CCDC178: variants seen among roughly 807,000 people sequenced by gnomAD.
CCDC178 encodes coiled-coil domain containing 178.
A neutral mutation model predicts 117.4 loss-of-function variants in CCDC178; 126 were observed. The observed-to-expected ratio is 1.07, with a 90% CI of 0.93 to 1.24. CCDC178 has a LOEUF of 1.24. Ranked by LOEUF, CCDC178 falls within the 50% of genes most tolerant of loss-of-function variation. The probability of loss-of-function intolerance (pLI) is 0.00; values close to 1 mark genes in which losing one functional copy is unlikely to be tolerated. For synonymous variants in CCDC178, 283 were observed against 313.4 expected (o/e 0.90, Z 1.02); for missense variants, 1,030 against 986.9 (o/e 1.04, Z -0.59).
intron 12 of CCDC178, among the ~76,000 whole-genome samples, chr18:33,282,094 C>A (rs1468945056): frequency 1.3e-5 from 2 of 152,090 alleles, no homozygotes; most frequent in African/African-American, 4.8e-5. Context: ...GGGAACCCTG[C>A]AAGGGCTATC....
intron 14 of CCDC178, among the ~76,000 whole-genome samples, chr18:33,263,261 A>T (rs369747211): frequency 6.6e-6 from 1 of 152,176 alleles, no homozygotes; most frequent in Non-Finnish European, 1.5e-5. Flanking sequence ...GGGAGTTTTA[A>T]AAGTATTATA....
chr18:33,281,982 G>C (rs1019292540), intron 12 of CCDC178, among the ~76,000 whole-genome samples: 9 of 152,208 alleles, frequency 5.9e-5, no homozygotes, highest in Non-Finnish European at 1.2e-4. Context: ...AAGTGGAACA[G>C]CTCCCATGGA....
rs531026209 is a variant in CCDC178, at chr18:33,014,691, T to C, written c.2389-40010A>G. ...CCACTGACAACATCTGGGAGACTTA[T>C]TGGCTCAGGTCATTTAAAAAATATT... On this transcript the variant is annotated intron_variant, in intron 21 of 22. Transcript: ENST00000383096. Among the ~76,000 whole-genome samples the C allele has an allele frequency of 2.6e-5, 4 of 152,210 alleles. No homozygotes were observed. In the East Asian group the frequency reaches 7.7e-4, roughly 29 times the overall value.
At position 33,222,177 on chromosome 18, in the gene CCDC178, C is replaced by T. The variant is rs552362028; in HGVS notation, c.1932+929G>A. 1.9e-4 allele frequency among the ~76,000 whole-genome samples: 29 copies of T among 152,016 alleles called. 1 individual carries two copies. The Middle Eastern group carries it at 0.01, about 53-fold the overall frequency. On this transcript the variant is annotated intron_variant, in intron 18 of 22. Coordinates refer to ENST00000383096, the MANE Select transcript of CCDC178 (RefSeq NM_001105528.4). ...GCCGTTTAACAAAAGTGTAATCATG[C>T]TATTTTTTATTGTTTAATTTTGACT...
intron 20 of CCDC178, among the ~76,000 whole-genome samples, chr18:33,204,542 T>C (rs2144566850): frequency 6.6e-6 from 1 of 152,304 alleles, no homozygotes; most frequent in African/African-American, 2.4e-5. Flanking sequence ...CGAAGGCACA[T>C]CTTGTAATTA....
chr18:33,208,388 T>G lies in CCDC178; in HGVS notation c.2238+3508A>C, dbSNP rs147528513. Among the ~76,000 whole-genome samples the G allele has an allele frequency of 6.4e-4, 98 of 152,176 alleles. No homozygotes were observed. The East Asian group carries it at 0.017, about 26-fold the overall frequency. On this transcript the variant is annotated intron_variant, in intron 20 of 22. Coordinates refer to ENST00000383096, the MANE Select transcript of CCDC178 (RefSeq NM_001105528.4). ...GTCATTTTTTTTACTCAAAGTAATC[T>G]CTAATTTTTTTAGAACAGTGGATAA...
chr18:32,981,844 T>C (rs544139241), intron 21 of CCDC178, among the ~76,000 whole-genome samples: 18 of 152,318 alleles, frequency 1.2e-4, no homozygotes, highest in African/African-American at 3.6e-4. Flanking sequence ...ATCCCACTCA[T>C]ACAATTAACA....
At chr18:33,329,878 T>A (rs1186669967) in intron 10 of CCDC178, among the ~76,000 whole-genome samples, 3 of 27,606 alleles carry the variant, frequency 1.1e-4, no homozygotes, top group South Asian at 1.5e-3. Flanking sequence ...ATTATTAGAG[T>A]GTGTGTGTGT....
At chr18:33,393,475 T>A (rs957096265) in intron 4 of CCDC178, among the ~76,000 whole-genome samples, 1 of 152,066 alleles carries the variant, frequency 6.6e-6, no homozygotes. Flanking sequence ...CTAGAAAAAA[T>A]TTTCATCACC....
intron 21 of CCDC178, among the ~76,000 whole-genome samples, chr18:32,993,969 C>A (rs2055449392): frequency 6.6e-6 from 1 of 152,026 alleles, no homozygotes. Flanking sequence ...ACAACACAGT[C>A]CTGTGTTGCA....
intron 21 of CCDC178, among the ~76,000 whole-genome samples, chr18:33,088,169 A>G (rs2057410655): frequency 2.0e-5 from 3 of 151,662 alleles, no homozygotes; most frequent in African/African-American, 4.8e-5. Context: ...AAGGTGGCAC[A>G]TTTCTATGTC....
At chr18:32,949,952 G>A (rs1049165044) in intron 22 of CCDC178, among the ~76,000 whole-genome samples, 7 of 152,056 alleles carry the variant, frequency 4.6e-5, no homozygotes, top group Non-Finnish European at 1.0e-4. Flanking sequence ...TTAGCATACG[G>A]CTAATTAATC....
At chr18:33,117,667 C>T (rs531515782) in intron 20 of CCDC178, among the ~76,000 whole-genome samples, 28 of 151,662 alleles carry the variant, frequency 1.8e-4, no homozygotes, top group Middle Eastern at 3.4e-3. Flanking sequence ...CACATGTATA[C>T]ATATGTAACA....
At chr18:33,352,867 T>G (rs1417277558) in intron 7 of CCDC178, among the ~76,000 whole-genome samples, 1 of 152,092 alleles carries the variant, frequency 6.6e-6, no homozygotes, top group Admixed American at 6.5e-5. Flanking sequence ...CATGTGCACA[T>G]GAGAAGAATG....
In CCDC178 at chr18:33,178,367, T is replaced by A. The variant is rs72945368; in HGVS notation, c.2238+33529A>T. Among the ~76,000 whole-genome samples, 502 of 152,264 alleles carry A rather than the reference T, an allele frequency of 3.3e-3. 1 individual carries two copies. The highest frequency in any genetic ancestry group is 5.8e-3 in the Non-Finnish European group (394 of 68,008). ...CCTTTCTTCTCTTTATTTATCCCCA[T>A]TCTCACTGCCTCTCTTGAAATATTA... is the stretch of plus-strand genomic sequence containing the variant. On this transcript the variant is annotated intron_variant, in intron 20 of 22. Coordinates refer to ENST00000383096, the MANE Select transcript of CCDC178 (RefSeq NM_001105528.4).
intron 11 of CCDC178, among the ~76,000 whole-genome samples, chr18:33,311,125 T>G (rs772730199): frequency 2.0e-5 from 3 of 152,198 alleles, no homozygotes; most frequent in Non-Finnish European, 4.4e-5. Flanking sequence ...ACTGGGAAGA[T>G]GTTCAGTCCC....
chr18:33,423,389 T>C (rs1336579130), intron 2 of CCDC178, among the ~76,000 whole-genome samples: 4 of 152,146 alleles, frequency 2.6e-5, no homozygotes, highest in Non-Finnish European at 5.9e-5. Context: ...CATAATATTT[T>C]CCTATTTAGG....
intron 11 of CCDC178, among the ~76,000 whole-genome samples, chr18:33,311,298 A>G (rs2062338685): frequency 6.6e-6 from 1 of 152,252 alleles, no homozygotes; most frequent in Admixed American, 6.5e-5. Context: ...GACATTAGAC[A>G]TAAACTCTTA....
chr18:33,167,401 T>G (rs1322320414), intron 20 of CCDC178, among the ~76,000 whole-genome samples: 1 of 152,168 alleles, frequency 6.6e-6, no homozygotes, highest in Non-Finnish European at 1.5e-5. Flanking sequence ...AGTATTCCCT[T>G]TTCTCCACAA....
Sources: gnomAD v4.1 joint callset for allele counts (sites outside exome capture counted in the v4.1 genomes callset) on GRCh38, gnomAD v4.1.1 for gene constraint, MANE v1.5 for transcripts, NCBI Gene and HGNC (gene_info 2026-07-23, HGNC 2026-07-21) for gene names.